LSAMP: variants seen among roughly 807,000 people sequenced by gnomAD.
The protein encoded by LSAMP is limbic system associated membrane protein, also known as limbic system-associated membrane protein.
Under a neutral mutation model 38.6 loss-of-function variants are expected in LSAMP, and 7 were observed. The ratio of observed to expected loss-of-function variants is 0.18; its 90% CI spans 0.10 to 0.34. LSAMP has a LOEUF of 0.34. LSAMP is among the 10% of genes least tolerant of loss of function. The pLI is 1.00. For synonymous variants in LSAMP, 154 were observed against 166.8 expected (o/e 0.92, Z 0.59); for missense variants, 313 against 420.0 (o/e 0.75, Z 2.23).
intron 6 of LSAMP, among the ~76,000 whole-genome samples, chr3:115,816,102 C>T (rs1342434203): frequency 6.6e-6 from 1 of 152,150 alleles, no homozygotes; most frequent in African/African-American, 2.4e-5. Context: ...GGTCTGGCCA[C>T]ATAGGTACCT....
intron 1 of LSAMP, among the ~76,000 whole-genome samples, chr3:116,129,158 G>A (rs1480739928): frequency 2.6e-5 from 4 of 151,980 alleles, no homozygotes; most frequent in Admixed American, 1.3e-4. Context: ...TCGCAATGAG[G>A]AGTGTTAATA....
chr3:116,368,072 T>C (rs910719351), intron 1 of LSAMP: 2 of 152,090 alleles, frequency 1.3e-5, no homozygotes, highest in Non-Finnish European at 2.9e-5. Flanking sequence ...TAAATGTGGG[T>C]GGGCGGAAAA....
intron 1 of LSAMP, among the ~76,000 whole-genome samples, chr3:116,390,739 C>CAAAAAA: frequency 1.8e-5 from 1 of 55,998 alleles, no homozygotes; most frequent in Non-Finnish European, 3.6e-5. Context: ...GACTCCGCCT[C>CAAAAAA]AAAAAAAAAA....
chr3:115,873,544 A>G (rs1415922424), intron 3 of LSAMP, among the ~76,000 whole-genome samples: 2 of 151,980 alleles, frequency 1.3e-5, no homozygotes, highest in Admixed American at 6.6e-5. Flanking sequence ...TTAGTAATTA[A>G]TTTTTCCGGT....
intron 4 of LSAMP, among the ~76,000 whole-genome samples, chr3:115,844,028 G>A (rs1458938265): frequency 6.6e-6 from 1 of 152,142 alleles, no homozygotes; most frequent in Admixed American, 6.5e-5. Flanking sequence ...TAGGAGTCCT[G>A]GGACTTAGTT....
chr3:116,239,603 G>A (rs1221653990), intron 1 of LSAMP, among the ~76,000 whole-genome samples: 1 of 152,040 alleles, frequency 6.6e-6, no homozygotes, highest in African/African-American at 2.4e-5. Context: ...GTTGAAGCAT[G>A]GAAGATAAAT....
intron 1 of LSAMP, among the ~76,000 whole-genome samples, chr3:116,102,777 A>ATCTGTCTGTCTG (rs1255190693): frequency 5.9e-4 from 89 of 150,816 alleles, no homozygotes; most frequent in African/African-American, 2.0e-3. Flanking sequence ...TTATCTATCT[A>ATCTGTCTGTCTG]TCTATCTATC....
intron 1 of LSAMP, among the ~76,000 whole-genome samples, chr3:116,186,522 G>T (rs1220262003): frequency 6.6e-6 from 1 of 152,064 alleles, no homozygotes; most frequent in Non-Finnish European, 1.5e-5. Context: ...ATCAAGTTCT[G>T]TTTACCTAAT....
intron 2 of LSAMP, among the ~76,000 whole-genome samples, chr3:116,040,806 G>C (rs1481328637): frequency 6.6e-6 from 1 of 152,176 alleles, no homozygotes; most frequent in African/African-American, 2.4e-5. Flanking sequence ...CTGAAGTGCA[G>C]TGGCTCATGC....
intron 1 of LSAMP, among the ~76,000 whole-genome samples, chr3:116,301,457 T>C (rs2047407525): frequency 6.6e-6 from 1 of 152,198 alleles, no homozygotes. Flanking sequence ...AGGAAGATGA[T>C]AGAAGATTGT....
chr3:116,146,906 G>A (rs895314659), intron 1 of LSAMP, among the ~76,000 whole-genome samples: 8 of 151,712 alleles, frequency 5.3e-5, no homozygotes, highest in Non-Finnish European at 7.4e-5. Context: ...TCAAGGACTC[G>A]AACACTACTT....
chr3:115,979,548 C>T (rs1939297172), intron 3 of LSAMP, among the ~76,000 whole-genome samples: 2 of 152,134 alleles, frequency 1.3e-5, no homozygotes, highest in African/African-American at 4.8e-5. Context: ...TTAGAAGTAC[C>T]TTTGGGCCCA....
At chr3:115,893,547 AC>A (rs1017672422) in intron 3 of LSAMP, among the ~76,000 whole-genome samples, 1 of 151,916 alleles carries the variant, frequency 6.6e-6, no homozygotes, top group Non-Finnish European at 1.5e-5. Context: ...AAATCAAAGG[AC>A]CTTTTAAAAC....
chr3:116,324,423 G>T (rs968095855), intron 1 of LSAMP, among the ~76,000 whole-genome samples: 1 of 152,124 alleles, frequency 6.6e-6, no homozygotes, highest in Admixed American at 6.6e-5. Context: ...AGAACTAATT[G>T]AGGATCTACT....
chr3:115,809,285 G>A lies in LSAMP; in HGVS notation c.*1032C>T, dbSNP rs952817940. 3.3e-5 allele frequency: 5 copies of A among 152,150 alleles called. No homozygotes were observed. The highest frequency in any genetic ancestry group is 1.9e-4 in the East Asian group (1 of 5,178). The allele number at this position is 152,150 out of a possible 1,614,324, so 9.4% of individuals were successfully genotyped here. ...TGATATTCTGAGTGACTCCCCACTC[G>A]GTTCTGATGATGGGACTAGGAGGAA... On this transcript the variant is annotated 3_prime_UTR_variant, in exon 7 of 7. Transcript: ENST00000490035.
chr3:116,359,791 A>T (rs2048279631), intron 1 of LSAMP, among the ~76,000 whole-genome samples: 1 of 152,158 alleles, frequency 6.6e-6, no homozygotes, highest in Non-Finnish European at 1.5e-5. Context: ...GAAAATTGAA[A>T]CTGGGCCCCT....
intron 3 of LSAMP, among the ~76,000 whole-genome samples, chr3:115,925,489 A>G (rs991044509): frequency 6.6e-6 from 1 of 152,208 alleles, no homozygotes; most frequent in Non-Finnish European, 1.5e-5. Context: ...ATTTTGCTCC[A>G]AGATTCACAA....
At chr3:115,959,439 A>G (rs1938556906) in intron 3 of LSAMP, among the ~76,000 whole-genome samples, 1 of 152,224 alleles carries the variant, frequency 6.6e-6, no homozygotes, top group Non-Finnish European at 1.5e-5. Flanking sequence ...TCTGTGCTGT[A>G]TAAGAGTTTA....
intron 1 of LSAMP, among the ~76,000 whole-genome samples, chr3:116,337,690 T>G (rs1181143955): frequency 2.0e-5 from 3 of 151,914 alleles, no homozygotes; most frequent in Admixed American, 1.3e-4. Context: ...TCCTTGACAG[T>G]CAAGGACAGA....
Sources: allele counts gnomAD v4.1 joint callset (sites outside exome capture counted in the v4.1 genomes callset), GRCh38; gene constraint gnomAD v4.1.1; transcripts MANE v1.5; gene names NCBI Gene and HGNC (gene_info 2026-07-23, HGNC 2026-07-21).